The following CDC27 variants were observed in gnomAD, a reference collection of about 807,000 sequenced individuals.
CDC27 encodes the protein cell division cycle 27.
A neutral mutation model predicts 109.7 loss-of-function variants in CDC27; 27 were observed. The ratio of observed to expected loss-of-function variants is 0.25; its 90% CI spans 0.18 to 0.34. The LOEUF is 0.34. CDC27 is among the 10% of genes least tolerant of loss of function. CDC27 has a pLI of 1.00. For synonymous variants in CDC27, 266 were observed against 333.9 expected, an observed-to-expected ratio of 0.80 and a Z score of 2.22; for missense variants, 579 against 960.2, an observed-to-expected ratio of 0.60 and a Z score of 5.25.
At chr17:47,161,308 A>G (rs2063491559) in intron 4 of CDC27, among the ~76,000 whole-genome samples, 2 of 152,182 alleles carry the variant, frequency 1.3e-5, no homozygotes, top group Admixed American at 1.3e-4. Flanking sequence ...TATAATTGTC[A>G]TAAGACTGAC....
intron 12 of CDC27, chr17:47,139,718 G>A (rs2062735889): frequency 6.6e-6 from 1 of 152,014 alleles, no homozygotes; most frequent in African/African-American, 2.4e-5. Context: ...AAATCCTATT[G>A]AGCCCTGAAT....
intron 14 of CDC27, among the ~76,000 whole-genome samples, chr17:47,134,798 T>C (rs1462508393): frequency 6.6e-6 from 1 of 150,826 alleles, no homozygotes; most frequent in African/African-American, 2.4e-5. Context: ...TTTTTTTTTT[T>C]TTTTTTGTTA....
intron 2 of CDC27, chr17:47,181,299 A>G (rs2064226679): frequency 4.9e-6 from 1 of 203,608 alleles, no homozygotes; most frequent in African/African-American, 2.3e-5. Flanking sequence ...CAAAACAACA[A>G]AAACCCTGGG....
chr17:47,122,335 G>C, intron 18 of CDC27, 109 bp downstream of exon 18: 1 of 700,294 alleles, frequency 1.4e-6, no homozygotes, highest in East Asian at 2.8e-5. Context: ...AAGTCCATTT[G>C]GTATAATGAA....
At chr17:47,157,824 G>A (rs1321955597) in intron 5 of CDC27, among the ~76,000 whole-genome samples, 1 of 152,126 alleles carries the variant, frequency 6.6e-6, no homozygotes, top group Non-Finnish European at 1.5e-5. Context: ...CAAATATACT[G>A]AGAAATTCTC....
rs1352468551 is a variant in CDC27 at position 47,176,734 on chromosome 17, G to A, written c.104-4670C>T. ...ACGGGAGATAAGGAAAATTCAGTTA[G>A]TGGTATCTTAGGTTAGATTTGAATA... On this transcript the variant is annotated intron_variant, in intron 2 of 18. Transcript: ENST00000066544. 2.6e-5 allele frequency among the ~76,000 whole-genome samples: 4 copies of A among 152,182 alleles called. No individual in the cohort carries two copies. The East Asian group carries it at 7.7e-4, about 29-fold the overall frequency.
At chr17:47,175,064 AG>A (rs2063951766) in intron 2 of CDC27, among the ~76,000 whole-genome samples, 1 of 122,162 alleles carries the variant, frequency 8.2e-6, no homozygotes, top group Non-Finnish European at 1.8e-5. Context: ...GAAGGAAGGA[AG>A]GAAGGAAGGA....
intron 14 of CDC27, among the ~76,000 whole-genome samples, chr17:47,133,028 T>TATATATAAACAC (rs1555783886): frequency 3.4e-5 from 1 of 29,824 alleles, no homozygotes; most frequent in Non-Finnish European, 5.8e-5. Flanking sequence ...TATATATATA[T>TATATATAAACAC]ACACACACAC....
rs112692466 is a variant in CDC27 at position 47,189,211 on chromosome 17, C to T, written c.-39G>A. On this transcript the variant is annotated 5_prime_UTR_variant, in exon 1 of 19. Coordinates refer to ENST00000066544, the MANE Select transcript of CDC27 (RefSeq NM_001256.6). ...GCCCACTTTCTGCAGTGCCTCAGGC[C>T]CCCCCTGTAGCGGCTCCGGCCCGGC... is the stretch of plus-strand genomic sequence containing the variant. 4 of 1,574,396 alleles carry T rather than the reference C, an allele frequency of 2.5e-6. No individual in the cohort carries two copies. Among genetic ancestry groups the T allele is most frequent in the South Asian group, 2.2e-5 (2 of 90,318 alleles).
intron 1 of CDC27, among the ~76,000 whole-genome samples, chr17:47,187,394 G>A (rs529727842): frequency 2.2e-4 from 33 of 152,112 alleles, no homozygotes; most frequent in Admixed American, 7.2e-4. Flanking sequence ...TCCATCTCCT[G>A]GGTTCAGGCA....
intron 7 of CDC27, 24 bp from the exon 8 acceptor site, chr17:47,154,810 T>C: frequency 8.5e-7 from 1 of 1,180,862 alleles, no homozygotes; most frequent in East Asian, 2.4e-5. Context: ...GAAATCAAGG[T>C]GTCAAAAAGT....
At chr17:47,169,770 C>T (rs1160072435) in intron 4 of CDC27, 147 bp downstream of exon 4, 2 of 485,468 alleles carry the variant, frequency 4.1e-6, no homozygotes, top group East Asian at 7.1e-5. Flanking sequence ...ATTAGCATCT[C>T]TGCTATTTTA....
At chr17:47,144,083 T>C (rs2062880091) in intron 9 of CDC27, 101 bp from the exon 10 acceptor site, 1 of 364,250 alleles carries the variant, frequency 2.7e-6, no homozygotes, top group Non-Finnish European at 4.7e-6. Context: ...ACATTAATTA[T>C]ATAAGTACTC....
At chr17:47,125,985 C>T (rs1427879864) in intron 16 of CDC27, among the ~76,000 whole-genome samples, 2 of 152,166 alleles carry the variant, frequency 1.3e-5, no homozygotes, top group Non-Finnish European at 2.9e-5. Flanking sequence ...GCATGCCTAT[C>T]CCCACCCCCA....
intron 9 of CDC27, among the ~76,000 whole-genome samples, chr17:47,146,715 T>G (rs1358560589): frequency 1.3e-5 from 2 of 152,086 alleles, no homozygotes; most frequent in Admixed American, 1.3e-4. Flanking sequence ...TTACTGCATC[T>G]CAGAATAAAA....
intron 4 of CDC27, among the ~76,000 whole-genome samples, chr17:47,164,214 G>A (rs1236029045): frequency 6.6e-6 from 1 of 152,148 alleles, no homozygotes; most frequent in African/African-American, 2.4e-5. Flanking sequence ...ATACAATATA[G>A]CCTAGGTGTG....
At chr17:47,170,076 C>T in intron 3 of CDC27, 34 bp from the exon 4 acceptor site, 1 of 1,429,526 alleles carries the variant, frequency 7.0e-7, no homozygotes, top group Non-Finnish European at 9.2e-7. Context: ...TTTTAAAAAC[C>T]AATATAAAAA....
intron 14 of CDC27, among the ~76,000 whole-genome samples, chr17:47,133,350 C>A (rs1384668450): frequency 6.6e-6 from 1 of 150,644 alleles, no homozygotes; most frequent in Non-Finnish European, 1.5e-5. Flanking sequence ...GTTGGTCAGG[C>A]TGGTCTTGAA....
At chr17:47,173,000 C>T (rs902646991) in intron 2 of CDC27, among the ~76,000 whole-genome samples, 1 of 152,114 alleles carries the variant, frequency 6.6e-6, no homozygotes, top group Non-Finnish European at 1.5e-5. Context: ...TTTTTGTGTC[C>T]CATCTCATAC....
Sources: gnomAD v4.1 joint callset for allele counts (sites outside exome capture counted in the v4.1 genomes callset) on GRCh38, gnomAD v4.1.1 for gene constraint, MANE v1.5 for transcripts, NCBI Gene and HGNC (gene_info 2026-07-23, HGNC 2026-07-21) for gene names.